KIF6: variants seen among roughly 807,000 people sequenced by gnomAD.
The protein encoded by KIF6 is kinesin family member 6.
Under a neutral mutation model 112.7 loss-of-function variants are expected in KIF6, and 106 were observed. The observed-to-expected ratio is 0.94, with a 90% CI of 0.80 to 1.11. KIF6 has a LOEUF of 1.11. Among genes scored for constraint, KIF6 ranks in the 50% least tolerant of loss-of-function variants. KIF6 has a pLI of 0.00. For synonymous variants in KIF6, 339 were observed against 339.9 expected (o/e 1.00, Z 0.03); for missense variants, 929 against 964.0 (o/e 0.96, Z 0.48).
At chr6:39,394,383 A>G (rs1768102335) in intron 15 of KIF6, among the ~76,000 whole-genome samples, 1 of 152,234 alleles carries the variant, frequency 6.6e-6, no homozygotes, top group Non-Finnish European at 1.5e-5. Context: ...GTCATCTGCC[A>G]TGTGTGCTGA....
intron 3 of KIF6, among the ~76,000 whole-genome samples, chr6:39,672,389 T>A (rs1786873088): frequency 6.6e-6 from 1 of 152,232 alleles, no homozygotes; most frequent in African/African-American, 2.4e-5. Context: ...CTTTGAGGAC[T>A]TAATGAATAC....
At chr6:39,341,072 A>G (rs1332513731) in intron 22 of KIF6, among the ~76,000 whole-genome samples, 1 of 151,996 alleles carries the variant, frequency 6.6e-6, no homozygotes, top group East Asian at 1.9e-4. Context: ...GCACGTGAGC[A>G]TGTCTTAAAG....
intron 14 of KIF6, among the ~76,000 whole-genome samples, chr6:39,425,847 A>C (rs1770727633): frequency 2.0e-5 from 3 of 151,122 alleles, no homozygotes; most frequent in African/African-American, 7.3e-5. Flanking sequence ...GTCTAATGGG[A>C]GCCAGGAAAC....
chr6:39,414,322 A>C (rs1769738619), intron 15 of KIF6, among the ~76,000 whole-genome samples: 1 of 152,142 alleles, frequency 6.6e-6, no homozygotes, highest in Admixed American at 6.5e-5. Flanking sequence ...GTATTTTTTG[A>C]AGCATCAGTA....
chr6:39,503,084 A>G (rs916846755), intron 13 of KIF6, among the ~76,000 whole-genome samples: 2 of 152,124 alleles, frequency 1.3e-5, no homozygotes, highest in African/African-American at 4.8e-5. Flanking sequence ...GATCACATAA[A>G]TTAGAAGTAA....
intron 13 of KIF6, among the ~76,000 whole-genome samples, chr6:39,477,860 CA>C (rs1268104029): frequency 6.7e-6 from 1 of 149,834 alleles, no homozygotes; most frequent in African/African-American, 2.5e-5. Flanking sequence ...GACTCTGTCT[CA>C]AAAAAATAAA....
chr6:39,436,170 A>C (rs2150388861), intron 13 of KIF6, among the ~76,000 whole-genome samples: 1 of 151,814 alleles, frequency 6.6e-6, no homozygotes, highest in East Asian at 1.9e-4. Context: ...TTTTTGAGAG[A>C]TGTCTCTTCA....
chr6:39,337,155 T>TTTTCCTTCCTTCCTTCCTTCCTTCC, intron 22 of KIF6, among the ~76,000 whole-genome samples: 1 of 53,674 alleles, frequency 1.9e-5, no homozygotes, highest in South Asian at 4.7e-4. Context: ...TTTCTCTTTC[T>TTTTCCTTCCTTCCTTCCTTCCTTCC]TTTCTTTCTT....
Position 39,404,625 on chromosome 6 carries a change from T to G in KIF6, c.1810+15323A>C, listed in dbSNP as rs1312824280. Among the ~76,000 whole-genome samples the G allele has an allele frequency of 1.3e-5, 2 of 152,198 alleles. 1 individual carries two copies. Among genetic ancestry groups the G allele is most frequent in the African/African-American group, 4.8e-5 (2 of 41,470 alleles). The stretch of plus-strand genomic sequence containing the variant: ...TGTGACTTCTCCAGCTTTATTCTTC[T>G]CTTATAAAATTATTCTAGCTATTCT... On this transcript the variant is annotated intron_variant, in intron 15 of 22. Transcript: ENST00000287152.
intron 14 of KIF6, among the ~76,000 whole-genome samples, chr6:39,421,495 T>C (rs1228444597): frequency 1.3e-5 from 2 of 152,176 alleles, no homozygotes; most frequent in African/African-American, 2.4e-5. Flanking sequence ...TGGGATTGTG[T>C]TGGAGGAAGT....
At chr6:39,550,521 A>G (rs1460404843) in intron 10 of KIF6, among the ~76,000 whole-genome samples, 1 of 152,192 alleles carries the variant, frequency 6.6e-6, no homozygotes, top group Non-Finnish European at 1.5e-5. Flanking sequence ...ATGGGACTGC[A>G]TCCTCTAATA....
At chr6:39,606,311 T>A (rs1208914444) in intron 6 of KIF6, among the ~76,000 whole-genome samples, 3 of 152,092 alleles carry the variant, frequency 2.0e-5, no homozygotes, top group Admixed American at 6.6e-5. Context: ...AGCTATTTTT[T>A]AAAAAACAAA....
chr6:39,459,993 A>G (rs1349387369), intron 13 of KIF6, among the ~76,000 whole-genome samples: 1 of 138,396 alleles, frequency 7.2e-6, no homozygotes, highest in Non-Finnish European at 1.6e-5. Context: ...AGAACTAGAA[A>G]TACCATTCGA....
At chr6:39,380,414 C>T (rs554778567) in intron 16 of KIF6, among the ~76,000 whole-genome samples, 47 of 152,286 alleles carry the variant, frequency 3.1e-4, no homozygotes, top group Non-Finnish European at 6.3e-4. Flanking sequence ...GACCAGGGTT[C>T]GGTAGATGTT....
rs145537998 is a variant in KIF6 at position 39,601,600 on chromosome 6, T to A, written c.640-5340A>T. On this transcript the variant is annotated intron_variant, in intron 6 of 22. Coordinates refer to ENST00000287152, the MANE Select transcript of KIF6 (RefSeq NM_145027.6). ...CAGCAGAGGACATTGGATGTATTAC[T>A]TCCTGGAACCTGGACAATCTAAATC... Among the ~76,000 whole-genome samples the A allele has an allele frequency of 1.5e-3, 222 of 152,192 alleles. 2 individuals are homozygous for A. The highest frequency in any genetic ancestry group is 5.1e-3 in the African/African-American group (210 of 41,540).
rs570530741 is a variant in KIF6 at position 39,335,238 on chromosome 6, T to C, written c.*1294A>G. 6.6e-6 allele frequency: 1 copy of C among 152,202 alleles called. No individual in the cohort carries two copies. The highest frequency in any genetic ancestry group is 1.9e-4 in the East Asian group (1 of 5,164). The allele number at this position is 152,202 out of a possible 1,614,324, so 9.4% of individuals were successfully genotyped here. A position where few individuals can be genotyped will look rare whatever the true frequency, so the allele number is the denominator to read the frequency against. On this transcript the variant is annotated 3_prime_UTR_variant, in exon 23 of 23. Coordinates refer to ENST00000287152, the MANE Select transcript of KIF6 (RefSeq NM_145027.6). ...GGGATAACTAGGGGGTGACTCGAGA[T>C]GGAGTGGTCAGGGGAAGCCCCCTGA...
chr6:39,542,790 T>C (rs1028852953), intron 12 of KIF6, among the ~76,000 whole-genome samples: 9 of 152,202 alleles, frequency 5.9e-5, no homozygotes, highest in Admixed American at 5.9e-4. Flanking sequence ...GCAGGTCTTA[T>C]GGTCCTGCTC....
chr6:39,446,077 T>C (rs532505258), intron 13 of KIF6, among the ~76,000 whole-genome samples: 11 of 152,170 alleles, frequency 7.2e-5, no homozygotes, highest in Admixed American at 1.3e-4. Flanking sequence ...TCCTGTTCAG[T>C]GGTGGGGGAA....
intron 15 of KIF6, among the ~76,000 whole-genome samples, chr6:39,389,900 G>A (rs760281106): frequency 1.3e-4 from 20 of 151,732 alleles, no homozygotes; most frequent in Admixed American, 1.3e-3. Context: ...GCATGGTGAC[G>A]GGCACCTGTA....
Sources: gnomAD v4.1 joint callset for allele counts (sites outside exome capture counted in the v4.1 genomes callset) on GRCh38, gnomAD v4.1.1 for gene constraint, MANE v1.5 for transcripts, NCBI Gene and HGNC (gene_info 2026-07-23, HGNC 2026-07-21) for gene names.